SLC38A6: variants seen among roughly 807,000 people sequenced by gnomAD.
SLC38A6 encodes the protein N system amino acid transporter NAT-1.
Under a neutral mutation model 65.0 loss-of-function variants are expected in SLC38A6, and 73 were observed. The observed-to-expected ratio is 1.12, with a 90% confidence interval of 0.93 to 1.37. The LOEUF (loss-of-function observed/expected upper bound fraction) is 1.37, where lower values mean the gene tolerates loss of function less well. Ranked by LOEUF, SLC38A6 falls within the 40% of genes most tolerant of loss-of-function variation. The pLI, the probability that SLC38A6 is intolerant of heterozygous loss-of-function variation, is 0.00. For missense variants in SLC38A6, 561 were observed against 531.1 expected, an observed-to-expected ratio of 1.06 and a Z score of -0.55; for synonymous variants, 183 against 178.8, an observed-to-expected ratio of 1.02 and a Z score of -0.19.
chr14:61,053,195 A>G (rs1015684644), downstream of SLC38A6, among the ~76,000 whole-genome samples: 1 of 152,076 alleles, frequency 6.6e-6, no homozygotes, highest in African/African-American at 2.4e-5. Flanking sequence ...TGTTCCTGCA[A>G]AAGACATGAT....
chr14:61,034,450 G>T (rs2041213439), intron 6 of SLC38A6, among the ~76,000 whole-genome samples: 1 of 152,066 alleles, frequency 6.6e-6, no homozygotes, highest in South Asian at 2.1e-4. Flanking sequence ...TTATCTACGA[G>T]AGACAGCAAA....
At chr14:61,030,753 T>C (rs2040931546) in intron 6 of SLC38A6, 2 of 366,178 alleles carry the variant, frequency 5.5e-6, no homozygotes, top group Non-Finnish European at 9.9e-6. Flanking sequence ...GCACCAGATA[T>C]AATCCTTGCA....
At chr14:61,023,854 A>G (rs1357388993) in intron 5 of SLC38A6, among the ~76,000 whole-genome samples, 1 of 152,038 alleles carries the variant, frequency 6.6e-6, no homozygotes, top group Non-Finnish European at 1.5e-5. Flanking sequence ...TATTTCCCAC[A>G]TTTCCATATT....
chr14:61,036,826 G>T (rs1475491581), intron 6 of SLC38A6, among the ~76,000 whole-genome samples: 3 of 151,992 alleles, frequency 2.0e-5, no homozygotes, highest in Non-Finnish European at 2.9e-5. Flanking sequence ...TAATTCAGTA[G>T]TTGGAAATGG....
intron 6 of SLC38A6, chr14:61,033,895 A>C (rs1238024655): frequency 2.0e-5 from 3 of 152,190 alleles, no homozygotes; most frequent in Non-Finnish European, 4.4e-5. Flanking sequence ...AATTATTTTT[A>C]TATTAAGAAT....
chr14:61,032,084 A>C (rs2041031675), intron 6 of SLC38A6, among the ~76,000 whole-genome samples: 1 of 151,982 alleles, frequency 6.6e-6, no homozygotes, highest in Admixed American at 6.5e-5. Flanking sequence ...AGTGTGGAGA[A>C]TTAAGGAATT....
chr14:60,982,788 G>A, intron 2 of SLC38A6, 150 bp downstream of exon 2: 1 of 879,060 alleles, frequency 1.1e-6, no homozygotes, highest in South Asian at 1.9e-5. Context: ...CTTGTTGCTA[G>A]TGTGTACCTT....
intron 12 of SLC38A6, among the ~76,000 whole-genome samples, chr14:61,050,154 A>T (rs1198929605): frequency 1.3e-5 from 2 of 152,174 alleles, no homozygotes; most frequent in Non-Finnish European, 2.9e-5. Flanking sequence ...CTGCGTATTA[A>T]TATTGTTATC....
intron 12 of SLC38A6, 129 bp from the exon 13 acceptor site, chr14:61,050,383 A>G (rs2042436969): frequency 2.0e-6 from 1 of 501,898 alleles, no homozygotes; most frequent in Admixed American, 4.2e-5. Flanking sequence ...TTCATAGGCT[A>G]GGGGAAAGGC....
At chr14:61,053,056 C>A (rs2042588971), downstream of SLC38A6, 3 of 151,902 alleles carry the variant, frequency 2.0e-5, no homozygotes, top group African/African-American at 7.3e-5. Flanking sequence ...CCCACCAGCC[C>A]CAGTTGTTTT....
At chr14:61,034,041 G>A (rs940955841) in intron 6 of SLC38A6, 2 of 152,084 alleles carry the variant, frequency 1.3e-5, no homozygotes, top group African/African-American at 4.8e-5. Context: ...AAGTTGTTGA[G>A]CCAGATGATC....
chr14:61,068,299 C>A (rs2043100669), intron 15 of SLC38A6, among the ~76,000 whole-genome samples: 1 of 152,176 alleles, frequency 6.6e-6, no homozygotes, highest in African/African-American at 2.4e-5. Context: ...AGTCCACTTT[C>A]ATACTGCAAA....
At chr14:61,051,435 A>G (rs908531451) in intron 13 of SLC38A6, among the ~76,000 whole-genome samples, 4 of 152,140 alleles carry the variant, frequency 2.6e-5, no homozygotes, top group African/African-American at 7.2e-5. Flanking sequence ...TTCTTTTTCT[A>G]TTATAAATTG....
At chr14:61,030,081 C>T (rs2040860729) in intron 5 of SLC38A6, among the ~76,000 whole-genome samples, 1 of 152,120 alleles carries the variant, frequency 6.6e-6, no homozygotes, top group Admixed American at 6.5e-5. Context: ...AAACTAACCT[C>T]TAATGCCTTA....
At position 61,065,052 on chromosome 14, in the gene SLC38A6, CAGT is replaced by C. The variant is rs2042977415; in HGVS notation, c.1290+12920_1290+12922del. Among the ~76,000 whole-genome samples the C allele has an allele frequency of 2.0e-5, 3 of 152,152 alleles. No homozygotes were observed. The South Asian group carries it at 6.2e-4, about 32-fold the overall frequency. On this transcript the variant is annotated intron_variant, in intron 15 of 16. Transcript: ENST00000354886. ...TCTGGTTGCAGAGAAAACAAGACAG[CAGT>C]AGGTTGATTTACTGTGTGAAGGCCC...
chr14:61,044,769 A>C (rs891222410), intron 10 of SLC38A6, among the ~76,000 whole-genome samples: 5 of 152,178 alleles, frequency 3.3e-5, no homozygotes, highest in African/African-American at 1.2e-4. Context: ...ATTACATTGG[A>C]TCTCTTAAGA....
chr14:61,066,757 A>G (rs1442595725), intron 15 of SLC38A6, among the ~76,000 whole-genome samples: 2 of 152,046 alleles, frequency 1.3e-5, no homozygotes, highest in Non-Finnish European at 2.9e-5. Flanking sequence ...AAAATACTAT[A>G]TTTTTTATCC....
intron 3 of SLC38A6, among the ~76,000 whole-genome samples, chr14:61,010,701 G>A (rs11158317): frequency 0.59 from 89,017 of 151,952 alleles, 27,733 homozygotes; most frequent in Non-Finnish European, 0.69. Flanking sequence ...GTAGATATGC[G>A]ACATTATTTC....
intron 15 of SLC38A6, among the ~76,000 whole-genome samples, chr14:61,065,628 C>T (rs1296912317): frequency 6.6e-6 from 1 of 152,144 alleles, no homozygotes; most frequent in African/African-American, 2.4e-5. Context: ...TAAACCAGTT[C>T]TATATTGTAT....
Sources: allele counts gnomAD v4.1 joint callset (sites outside exome capture counted in the v4.1 genomes callset), GRCh38; gene constraint gnomAD v4.1.1; transcripts MANE v1.5; gene names NCBI Gene and HGNC (gene_info 2026-07-23, HGNC 2026-07-21).